Variants in ASPSCR1 observed in about 807,000 individuals in gnomAD.
ASPSCR1 encodes the protein tether containing UBX domain for GLUT4.
Under a neutral mutation model 68.9 loss-of-function variants are expected in ASPSCR1, and 55 were observed. The ratio of observed to expected loss-of-function variants is 0.80; its 90% CI spans 0.64 to 1.00. The LOEUF is 1.00. Ranked by LOEUF, ASPSCR1 falls within the 50% of genes least tolerant of loss-of-function variation. The probability of loss-of-function intolerance (pLI) is 0.00; values close to 1 mark genes in which losing one functional copy is unlikely to be tolerated. For missense variants in ASPSCR1, 765 were observed against 762.2 expected (o/e 1.00, Z -0.04); for synonymous variants, 352 against 332.6 (o/e 1.06, Z -0.63).
intron 9 of ASPSCR1, chr17:82,010,137 G>A (rs564594962): frequency 1.8e-3 from 503 of 283,162 alleles, no homozygotes; most frequent in Non-Finnish European, 2.9e-3. Context: ...GGCCCGGCTG[G>A]TCTCGAACTC....
Position 81,996,022 on chromosome 17 carries a change from A to G in ASPSCR1, c.463A>G (p.Thr155Ala). 2 of 1,610,600 alleles carry G rather than the reference A, an allele frequency of 1.2e-6. No individual in the cohort carries two copies. Among genetic ancestry groups the G allele is most frequent in the Non-Finnish European group, 1.7e-6 (2 of 1,179,348 alleles). ...VTGEAALRGT[T>A]LQSLGLTGGS... ...GGGTGAAGCTGCCCTGCGGGGCACGACGCTGCAGTCGCTGGGCCTGACCGG... is the reference window on the plus strand; with the variant it reads ...GGGTGAAGCTGCCCTGCGGGGCACGGCGCTGCAGTCGCTGGGCCTGACCGG... Residue 155 changes from threonine to alanine, a missense_variant, in exon 6 of 16, where the codon ACG (threonine) becomes GCG (alanine). By Grantham distance (58) the Thr-to-Ala change is moderately conservative. Coordinates refer to ENST00000306739, the MANE Select transcript of ASPSCR1 (RefSeq NM_024083.4).
chr17:82,016,676 A>C, intron 13 of ASPSCR1, 124 bp from the exon 14 acceptor site: 1 of 1,439,774 alleles, frequency 6.9e-7, no homozygotes, highest in South Asian at 1.2e-5. Context: ...TCCCCGAGAG[A>C]GGACTGGGAC....
At chr17:82,012,518 C>T (rs945093541) in intron 12 of ASPSCR1, among the ~76,000 whole-genome samples, 2 of 152,168 alleles carry the variant, frequency 1.3e-5, no homozygotes, top group African/African-American at 4.8e-5. Flanking sequence ...ACCTGCTAGG[C>T]GGCCTGCCTG....
At chr17:82,000,863 G>A (rs1224098893) in intron 7 of ASPSCR1, among the ~76,000 whole-genome samples, 1 of 152,100 alleles carries the variant, frequency 6.6e-6, no homozygotes, top group Non-Finnish European at 1.5e-5. Context: ...AGGCTGCCCT[G>A]CAGCCCTGTG....
intron 10 of ASPSCR1, 75 bp downstream of exon 10, chr17:82,010,943 G>T (rs2144093321): frequency 1.9e-6 from 3 of 1,545,568 alleles, no homozygotes; most frequent in Non-Finnish European, 1.8e-6. Flanking sequence ...TTCCTTCCAG[G>T]CCACAGGACT....
intron 11 of ASPSCR1, 24 bp downstream of exon 11, chr17:82,011,629 C>G (rs751099966): frequency 1.2e-6 from 2 of 1,603,762 alleles, no homozygotes; most frequent in South Asian, 2.2e-5. Flanking sequence ...CCTGAGCCCA[C>G]TCCTGCCTCC....
chr17:81,984,135 C>A (rs895182539), intron 3 of ASPSCR1, among the ~76,000 whole-genome samples: 4 of 152,074 alleles, frequency 2.6e-5, no homozygotes, highest in African/African-American at 9.7e-5. Context: ...GGATTGCAGG[C>A]GTGAGCCTCT....
At chr17:82,009,435 C>A in intron 8 of ASPSCR1, 51 bp from the exon 9 acceptor site, 1 of 1,511,316 alleles carries the variant, frequency 6.6e-7, no homozygotes, top group South Asian at 1.2e-5. Context: ...GGCCTGTTGC[C>A]AGGGCCCCCA....
At chr17:81,997,829 T>C (rs1351858884) in intron 7 of ASPSCR1, among the ~76,000 whole-genome samples, 4 of 125,412 alleles carry the variant, frequency 3.2e-5, no homozygotes, top group African/African-American at 9.8e-5. Flanking sequence ...AGGCACCCAC[T>C]TTTTTTTTTT....
At chr17:81,984,967 T>C (rs1291878413) in intron 3 of ASPSCR1, among the ~76,000 whole-genome samples, 4 of 59,074 alleles carry the variant, frequency 6.8e-5, no homozygotes, top group Admixed American at 2.5e-4. Context: ...CCCACACACC[T>C]GCACACACCC....
At chr17:82,008,256 G>A (rs781354321) in intron 7 of ASPSCR1, 9 of 152,414 alleles carry the variant, frequency 5.9e-5, no homozygotes, top group Non-Finnish European at 1.3e-4. Flanking sequence ...GACGGGACGG[G>A]ACCAGGAGGG....
chr17:82,010,453 C>T (rs1384575183), intron 9 of ASPSCR1, among the ~76,000 whole-genome samples: 7 of 145,328 alleles, frequency 4.8e-5, no homozygotes, highest in Non-Finnish European at 7.4e-5. Context: ...GGCGTGAACC[C>T]GGGAGGTGGA....
Position 82,003,425 on chromosome 17 carries a change from G to A in ASPSCR1, c.934-5612G>A, listed in dbSNP as rs142800936. Among the ~76,000 whole-genome samples the A allele has an allele frequency of 2.5e-3, 378 of 152,356 alleles. 2 individuals are homozygous for A. Among genetic ancestry groups the A allele is most frequent in the African/African-American group, 8.8e-3 (364 of 41,586 alleles). On this transcript the variant is annotated intron_variant, in intron 7 of 15. Transcript: ENST00000306739. ...ATTGCACTGCTGCACTCCAGCCTGG[G>A]CAACAGAGCGAGACGCTGTCTCAAA...
chr17:81,987,101 C>T lies in ASPSCR1; in HGVS notation c.374+1494C>T, dbSNP rs527992440. Among the ~76,000 whole-genome samples the T allele has an allele frequency of 2.0e-5, 3 of 148,964 alleles. No homozygotes were observed. The highest frequency in any genetic ancestry group is 3.0e-5 in the Non-Finnish European group (2 of 67,626). On this transcript the variant is annotated intron_variant, in intron 4 of 15. Coordinates refer to ENST00000306739, the MANE Select transcript of ASPSCR1 (RefSeq NM_024083.4). The surrounding 1 kb of genome is among the most constrained non-coding windows in gnomAD (Gnocchi z 5.6). ...GGAGCCTAAGAGCAAAGCGAAGCCA[C>T]GGGCAGGGGTGAGCGGGACCCGAGG... is the stretch of plus-strand genomic sequence containing the variant.
rs201544231 is a variant in ASPSCR1 at position 82,010,861 on chromosome 17, C to T, written c.1230C>T (p.Ser410=). The part of the protein sequence containing the change: ...RYVLQGFFRP[S]ETVGDLRDFV... Reference sequence around the variant, plus strand: ...TCCTACAGGGCTTCTTCCGCCCCAGCGAGACAGGTGGGCAGCGCTGTGGGG... The same window carrying T: ...TCCTACAGGGCTTCTTCCGCCCCAGTGAGACAGGTGGGCAGCGCTGTGGGG... The change falls in exon 10 of 16, where the codon AGC becomes AGT. Residue 410 remains serine (S), a synonymous_variant. Transcript: ENST00000306739. 45 of 1,612,292 alleles carry T rather than the reference C, an allele frequency of 2.8e-5. No homozygotes were observed. Among genetic ancestry groups the T allele is most frequent in the Non-Finnish European group, 3.5e-5 (41 of 1,179,902 alleles).
intron 7 of ASPSCR1, among the ~76,000 whole-genome samples, chr17:82,000,279 G>A (rs1480261333): frequency 6.6e-6 from 1 of 152,252 alleles, no homozygotes; most frequent in Non-Finnish European, 1.5e-5. Context: ...GCCCAGAGTA[G>A]TGCCCGCCCG....
chr17:81,994,248 G>A (rs939577377), intron 4 of ASPSCR1, among the ~76,000 whole-genome samples: 7 of 152,220 alleles, frequency 4.6e-5, no homozygotes, highest in Non-Finnish European at 7.3e-5. Flanking sequence ...GGCAGAGTCC[G>A]ACATGGACTT....
In ASPSCR1 at chr17:81,990,334, G is replaced by A. The variant is rs1056026605; in HGVS notation, c.375-4487G>A. 6.6e-6 allele frequency among the ~76,000 whole-genome samples: 1 copy of A among 152,204 alleles called. No individual in the cohort carries two copies. The highest frequency in any genetic ancestry group is 1.5e-5 in the Non-Finnish European group (1 of 68,046). ...ACTCTGCTTCTCAGGCTCTGCTGCA[G>A]GGAGGGCGTCAGGAGACAGAGGCTG... On this transcript the variant is annotated intron_variant, in intron 4 of 15. Transcript: ENST00000306739. This position sits in a 1 kb window ranked among gnomAD's most constrained non-coding sequence, Gnocchi z 4.1.
chr17:81,982,904 C>T (rs1474017574), intron 2 of ASPSCR1, among the ~76,000 whole-genome samples: 1 of 152,164 alleles, frequency 6.6e-6, no homozygotes, highest in Admixed American at 6.5e-5. Context: ...GCCTCTGCCT[C>T]CCGGGTTCAA....
Sources: gnomAD v4.1 joint callset for allele counts (sites outside exome capture counted in the v4.1 genomes callset) on GRCh38, gnomAD v4.1.1 for gene constraint, Gnocchi (gnomAD v3.1) non-coding constraint, MANE v1.5 for transcripts, NCBI Gene and HGNC (gene_info 2026-07-23, HGNC 2026-07-21) for gene names.